Variants in DDX60 observed in about 807,000 individuals in gnomAD.
The protein encoded by DDX60 is DExD/H-box helicase 60.
In DDX60, 165 loss-of-function variants were observed where a neutral mutation model predicts 212.8. That is an observed-to-expected ratio of 0.78 (90% CI 0.68 to 0.88). The LOEUF (loss-of-function observed/expected upper bound fraction) is 0.88, where lower values mean the gene tolerates loss of function less well. DDX60 is among the 40% of genes least tolerant of loss of function. The pLI is 0.00. For synonymous variants in DDX60, 703 were observed against 685.3 expected, an observed-to-expected ratio of 1.03 and a Z score of -0.40; for missense variants, 1,905 against 2,003.9, an observed-to-expected ratio of 0.95 and a Z score of 0.94.
At chr4:168,307,327 G>C (rs750654579) in intron 4 of DDX60, among the ~76,000 whole-genome samples, 47 of 152,206 alleles carry the variant, frequency 3.1e-4, no homozygotes, top group Admixed American at 8.5e-4. Context: ...AAGGGTGGTA[G>C]TGGTTATGCA....
intron 6 of DDX60, 80 bp from the exon 7 acceptor site, chr4:168,294,025 T>C: frequency 1.7e-5 from 22 of 1,259,878 alleles, no homozygotes; most frequent in Non-Finnish European, 2.3e-5. Context: ...TAGTGGGTAC[T>C]ACTAGGCTTA....
At chr4:168,261,135 G>T in intron 24 of DDX60, 146 bp from the exon 25 acceptor site, 1 of 895,114 alleles carries the variant, frequency 1.1e-6, no homozygotes. Flanking sequence ...ATAAAACGAG[G>T]CAAAGAACCA....
At chr4:168,243,147 A>G (rs973060845) in intron 30 of DDX60, among the ~76,000 whole-genome samples, 1 of 152,204 alleles carries the variant, frequency 6.6e-6, no homozygotes, top group Non-Finnish European at 1.5e-5. Context: ...TAAGTCCATT[A>G]AACCTCTTTC....
At chr4:168,262,271 G>T in intron 23 of DDX60, 143 bp from the exon 24 acceptor site, 1 of 827,832 alleles carries the variant, frequency 1.2e-6, no homozygotes, top group Non-Finnish European at 1.8e-6. Flanking sequence ...GGCTTCTAAT[G>T]CATAACGTTA....
At chr4:168,267,738 C>T (rs1388094430) in intron 21 of DDX60, 47 bp from the exon 22 acceptor site, 4 of 1,543,274 alleles carry the variant, frequency 2.6e-6, no homozygotes, top group Non-Finnish European at 3.5e-6. Context: ...AATGTAATCA[C>T]TGAAACAAAT....
chr4:168,267,230 T>C (rs1734885902), intron 22 of DDX60, among the ~76,000 whole-genome samples: 1 of 152,278 alleles, frequency 6.6e-6, no homozygotes, highest in South Asian at 2.1e-4. Context: ...CATATAATTG[T>C]ATGGCTGCAC....
chr4:168,298,451 T>C (rs1560871748), intron 6 of DDX60, among the ~76,000 whole-genome samples: 2 of 152,192 alleles, frequency 1.3e-5, no homozygotes, highest in African/African-American at 4.8e-5. Context: ...TATCTTTATA[T>C]TGGGCTAAGT....
At chr4:168,221,597 A>G (rs1192511695) in intron 36 of DDX60, 133 bp downstream of exon 36, 5 of 904,554 alleles carry the variant, frequency 5.5e-6, no homozygotes, top group Admixed American at 6.7e-5. Flanking sequence ...AAAAAAATCA[A>G]TCTAGTATGT....
chr4:168,275,287 C>G lies in DDX60; in HGVS notation c.2304+58G>C, dbSNP rs1429883418. The G allele has an allele frequency of 2.1e-6, 3 of 1,440,204 alleles. No individual in the cohort carries two copies. In the African/African-American group the frequency reaches 4.3e-5, roughly 21 times the overall value. 89.2% of individuals were successfully genotyped at this position (1,440,204 alleles called of 1,614,324 possible). ...ATGTACAGCCACAATAATGAGAAAC[C>G]TCTGAGATCACATATAATAAGAAAA... is the stretch of plus-strand genomic sequence containing the variant. On this transcript the variant is annotated intron_variant, in intron 16 of 37. Transcript: ENST00000393743.
chr4:168,273,969 C>T lies in DDX60; in HGVS notation c.2419G>A (p.Asp807Asn), dbSNP rs763576529. Residue 807 changes from aspartate to asparagine, a missense_variant, in exon 17 of 38, where the codon GAC becomes AAC. Coordinates refer to ENST00000393743, the MANE Select transcript of DDX60 (RefSeq NM_017631.6). ...GCAACGTACACGACCACCCCGTCGT[C>T]GCTCTCCTTCAGCACTTTCTCCATA... is the stretch of plus-strand genomic sequence containing the variant. The part of the protein sequence containing the change: ...YCMEKVLKES[D>N]DGVVVYVAPT... 7.4e-6 allele frequency: 12 copies of T among 1,614,056 alleles called. No homozygotes were observed. The highest frequency in any genetic ancestry group is 2.2e-5 in the South Asian group (2 of 91,090).
intron 3 of DDX60, among the ~76,000 whole-genome samples, chr4:168,310,423 T>C (rs1254669859): frequency 6.6e-6 from 1 of 152,152 alleles, no homozygotes; most frequent in Non-Finnish European, 1.5e-5. Context: ...TTTGCTTCCT[T>C]ATGATTTTCT....
At chr4:168,259,997 TAGAA>T (rs1734560920) in intron 25 of DDX60, among the ~76,000 whole-genome samples, 1 of 152,046 alleles carries the variant, frequency 6.6e-6, no homozygotes, top group Non-Finnish European at 1.5e-5. Flanking sequence ...TAGTTTACAG[TAGAA>T]AGAAAACAAA....
rs961643551 is a variant in DDX60, at chr4:168,246,717, T to A, written c.3964-99A>T. 1.5e-5 allele frequency: 19 copies of A among 1,237,926 alleles called. No homozygotes were observed. In the African/African-American group the frequency reaches 2.1e-4, roughly 14 times the overall value. 76.7% of individuals were successfully genotyped at this position (1,237,926 alleles called of 1,614,324 possible). On this transcript the variant is annotated intron_variant, in intron 29 of 37. Coordinates refer to ENST00000393743, the MANE Select transcript of DDX60 (RefSeq NM_017631.6). ...TTACTCTGGTTTGGAGCATGGAAAT[T>A]GTGCATATGTCTAACCATTAAGGAA...
intron 33 of DDX60, among the ~76,000 whole-genome samples, chr4:168,235,174 TTTTTTC>T (rs1328462412): frequency 4.6e-5 from 7 of 151,974 alleles, no homozygotes; most frequent in Non-Finnish European, 8.8e-5. Flanking sequence ...TATTATCTAA[TTTTTTC>T]TTTTTCTTAG....
chr4:168,254,421 G>C (rs1579004094), intron 26 of DDX60, among the ~76,000 whole-genome samples: 1 of 152,128 alleles, frequency 6.6e-6, no homozygotes, highest in Admixed American at 6.5e-5. Context: ...TAAGCAGAAG[G>C]ATCAGCAGCA....
At position 168,270,548 on chromosome 4, in the gene DDX60, T is replaced by C. The variant is rs139201702; in HGVS notation, c.2670+1495A>G. On this transcript the variant is annotated intron_variant, in intron 19 of 37. Transcript: ENST00000393743. ...TGAAATAGCCAAAGTCATATCGTCA[T>C]AGCACTTCAGAGTTTTGAGATCAGA... Among the ~76,000 whole-genome samples, 574 of 152,326 alleles carry C rather than the reference T, an allele frequency of 3.8e-3. 3 individuals are homozygous for C. The highest frequency in any genetic ancestry group is 5.6e-3 in the Admixed American group (85 of 15,296).
intron 1 of DDX60, among the ~76,000 whole-genome samples, chr4:168,317,125 G>A (rs28447329): frequency 0.028 from 4,160 of 150,310 alleles, 206 homozygotes; most frequent in African/African-American, 0.095. Flanking sequence ...AACGCTAGTA[G>A]TAATGATTAA....
Position 168,216,864 on chromosome 4 carries a change from A to C in DDX60, c.*69T>G. ...ATAATGTATTTCTGGCAAGAAGCATAAGAATCAAAAACGTGACCTGAAAAA... is the reference window on the plus strand; with the variant it reads ...ATAATGTATTTCTGGCAAGAAGCATCAGAATCAAAAACGTGACCTGAAAAA... On this transcript the variant is annotated 3_prime_UTR_variant, in exon 38 of 38. Transcript: ENST00000393743. The C allele has an allele frequency of 2.1e-6, 2 of 930,678 alleles. No individual in the cohort carries two copies. Among genetic ancestry groups the C allele is most frequent in the Non-Finnish European group, 3.3e-6 (2 of 608,008 alleles). The allele number at this position is 930,678 out of a possible 1,614,324, so 57.7% of individuals were successfully genotyped here.
chr4:168,256,076 T>G, intron 25 of DDX60, among the ~76,000 whole-genome samples: 1 of 149,388 alleles, frequency 6.7e-6, no homozygotes, highest in East Asian at 2.0e-4. Flanking sequence ...TTGCCTACCC[T>G]CCCCTTCTCC....
Sources: gnomAD v4.1 joint callset for allele counts (sites outside exome capture counted in the v4.1 genomes callset) on GRCh38, gnomAD v4.1.1 for gene constraint, MANE v1.5 for transcripts, NCBI Gene and HGNC (gene_info 2026-07-23, HGNC 2026-07-21) for gene names.